Variants in SCCPDH observed in about 807,000 individuals in gnomAD.
The protein encoded by SCCPDH is saccharopine dehydrogenase (putative).
Under a neutral mutation model 51.5 loss-of-function variants are expected in SCCPDH, and 34 were observed. The ratio of observed to expected loss-of-function variants is 0.66; its 90% confidence interval spans 0.50 to 0.88. The LOEUF is 0.88. Among genes scored for constraint, SCCPDH ranks in the 40% least tolerant of loss-of-function variants. SCCPDH has a pLI of 0.00. For synonymous variants in SCCPDH, 187 were observed against 191.3 expected (o/e 0.98, Z 0.19); for missense variants, 464 against 527.1 (o/e 0.88, Z 1.17).
At chr1:246,758,656 T>A (rs1377708310) in intron 6 of SCCPDH, among the ~76,000 whole-genome samples, 1 of 152,196 alleles carries the variant, frequency 6.6e-6, no homozygotes, top group Non-Finnish European at 1.5e-5. Flanking sequence ...GTGAATCTTA[T>A]GATGACTTTT....
intron 2 of SCCPDH, among the ~76,000 whole-genome samples, chr1:246,733,050 GA>G (rs1341386048): frequency 5.3e-5 from 8 of 152,102 alleles, no homozygotes; most frequent in Admixed American, 2.6e-4. Flanking sequence ...TTAGAAGTGG[GA>G]CCCAGGCAGG....
chr1:246,735,866 C>A, intron 2 of SCCPDH, 109 bp from the exon 3 acceptor site: 1 of 688,450 alleles, frequency 1.5e-6, no homozygotes, highest in Non-Finnish European at 2.5e-6. Flanking sequence ...ATTTTATTAA[C>A]AGTTGATTTC....
chr1:246,732,835 T>A (rs536093777), intron 2 of SCCPDH, among the ~76,000 whole-genome samples: 2 of 152,300 alleles, frequency 1.3e-5, no homozygotes, highest in South Asian at 4.1e-4. Flanking sequence ...GAAGTGAGTG[T>A]TGTTATTCAT....
Position 246,767,238 on chromosome 1 carries a change from T to C in SCCPDH, c.1228T>C (p.Leu410=). The C allele has an allele frequency of 6.2e-7, 1 of 1,611,178 alleles. No individual in the cohort carries two copies. Among genetic ancestry groups the C allele is most frequent in the Non-Finnish European group, 8.5e-7 (1 of 1,178,398 alleles). Residue 410 remains leucine, a synonymous_variant, in exon 12 of 12, where the codon TTG becomes CTG. Transcript: ENST00000366510. ...TGGAGCAGCTTTTTCCAAAACAAAG[T>C]TGATTGACAGACTCAACAAACACGG... ...TPGAAFSKTK[L]IDRLNKHGIE... is the part of the protein sequence containing the mutation.
chr1:246,750,267 C>G (rs1221776946), intron 5 of SCCPDH, among the ~76,000 whole-genome samples: 1 of 152,082 alleles, frequency 6.6e-6, no homozygotes, highest in Non-Finnish European at 1.5e-5. Context: ...GCTGAAAGAC[C>G]TATAGTTCTG....
intron 11 of SCCPDH, among the ~76,000 whole-genome samples, chr1:246,766,547 C>G (rs1669089405): frequency 6.6e-6 from 1 of 152,184 alleles, no homozygotes; most frequent in Non-Finnish European, 1.5e-5. Flanking sequence ...GGGATCCTGG[C>G]TAGATGATTT....
chr1:246,755,318 T>C (rs1411183851), intron 5 of SCCPDH, among the ~76,000 whole-genome samples: 1 of 152,216 alleles, frequency 6.6e-6, no homozygotes, highest in East Asian at 1.9e-4. Flanking sequence ...CTAAAATGTA[T>C]GTGGAAACTC....
At chr1:246,762,860 A>G (rs1669038806) in intron 9 of SCCPDH, among the ~76,000 whole-genome samples, 1 of 151,322 alleles carries the variant, frequency 6.6e-6, no homozygotes, top group South Asian at 2.1e-4. Flanking sequence ...AAAAAAAAAA[A>G]AAGAATCACC....
At chr1:246,729,947 T>C (rs1037854116) in intron 2 of SCCPDH, among the ~76,000 whole-genome samples, 1 of 152,216 alleles carries the variant, frequency 6.6e-6, no homozygotes, top group Non-Finnish European at 1.5e-5. Context: ...TGTAACACTT[T>C]ATGTTTACAA....
chr1:246,759,848 G>A (rs1014229205), intron 7 of SCCPDH, 109 bp from the exon 8 acceptor site: 1 of 1,200,914 alleles, frequency 8.3e-7, no homozygotes, highest in Non-Finnish European at 1.2e-6. Context: ...AGTGGAAACT[G>A]CTTTTGTTCC....
chr1:246,738,526 G>A (rs1668632212), intron 3 of SCCPDH, among the ~76,000 whole-genome samples: 1 of 150,456 alleles, frequency 6.6e-6, no homozygotes, highest in South Asian at 2.1e-4. Context: ...AAAAAACCCA[G>A]AGTATTTAAA....
chr1:246,759,948 A>G lies in SCCPDH; in HGVS notation c.814-9A>G. ...GTAATGTTCTAACTTTGTCTTCTCC[A>G]TCATCTAGGTTCAGTATGCTGCGTA... On this transcript the variant is annotated splice_polypyrimidine_tract_variant and intron_variant, in intron 7 of 11. Coordinates refer to ENST00000366510, the MANE Select transcript of SCCPDH (RefSeq NM_016002.3). 1 of 1,604,390 alleles carries G rather than the reference A, an allele frequency of 6.2e-7. No homozygotes were observed. The highest frequency in any genetic ancestry group is 2.2e-5 in the East Asian group (1 of 44,710).
At chr1:246,758,467 AAGTT>A in intron 6 of SCCPDH, 111 bp downstream of exon 6, 2 of 702,966 alleles carry the variant, frequency 2.8e-6, no homozygotes, top group Non-Finnish European at 4.5e-6. Flanking sequence ...AATTTGTAGT[AAGTT>A]CAGAATTGTT....
At chr1:246,766,893 T>C (rs1224809806) in intron 11 of SCCPDH, among the ~76,000 whole-genome samples, 1 of 152,180 alleles carries the variant, frequency 6.6e-6, no homozygotes, top group Non-Finnish European at 1.5e-5. Flanking sequence ...GGACTGTCCT[T>C]GTAAACAGCA....
intron 5 of SCCPDH, among the ~76,000 whole-genome samples, chr1:246,751,011 G>T (rs1028261330): frequency 2.6e-5 from 4 of 152,226 alleles, no homozygotes; most frequent in Non-Finnish European, 4.4e-5. Context: ...GTCCCTTGAC[G>T]CAGCTGGAAC....
chr1:246,735,872 AT>A, intron 2 of SCCPDH, 102 bp from the exon 3 acceptor site: 1 of 730,146 alleles, frequency 1.4e-6, no homozygotes. Context: ...TTAACAGTTG[AT>A]TTCTTGATAA....
At chr1:246,745,157 T>TTTGGGAACGTAAGACATTGACG (rs1401439568) in intron 5 of SCCPDH, among the ~76,000 whole-genome samples, 2 of 152,130 alleles carry the variant, frequency 1.3e-5, no homozygotes, top group Non-Finnish European at 2.9e-5. Flanking sequence ...CTACAGTGCA[T>TTTGGGAACGTAAGACATTGACG]TTGGGAACGT....
At chr1:246,747,780 G>T (rs1254941867) in intron 5 of SCCPDH, among the ~76,000 whole-genome samples, 1 of 152,180 alleles carries the variant, frequency 6.6e-6, no homozygotes, top group East Asian at 1.9e-4. Context: ...AGAACAAGTG[G>T]CTCAGGATGA....
intron 1 of SCCPDH, among the ~76,000 whole-genome samples, chr1:246,726,621 C>T (rs1668404131): frequency 6.6e-6 from 1 of 152,198 alleles, no homozygotes; most frequent in African/African-American, 2.4e-5. Context: ...TCATGTTACA[C>T]AGGGTTGTTA....
Sources: allele counts gnomAD v4.1 joint callset (sites outside exome capture counted in the v4.1 genomes callset), GRCh38; gene constraint gnomAD v4.1.1; transcripts MANE v1.5; gene names NCBI Gene and HGNC (gene_info 2026-07-23, HGNC 2026-07-21).